The following MFSD12 variants were observed in gnomAD, a reference collection of about 807,000 sequenced individuals.
The protein encoded by MFSD12 is major facilitator superfamily domain-containing protein 12.
A neutral mutation model predicts 51.2 loss-of-function variants in MFSD12; 67 were observed. The observed-to-expected ratio is 1.31, with a 90% confidence interval of 1.08 to 1.60. The LOEUF (loss-of-function observed/expected upper bound fraction) is 1.60. Among genes scored for constraint, MFSD12 ranks in the 40% most tolerant of loss-of-function variants. MFSD12 has a pLI of 0.00. For synonymous variants in MFSD12, 441 were observed against 316.7 expected (o/e 1.39, Z -4.17); for missense variants, 921 against 673.0 (o/e 1.37, Z -4.08).
Position 3,557,455 on chromosome 19 carries a change from G to A in MFSD12, c.-52C>T, listed in dbSNP as rs544933641. On this transcript the variant is annotated 5_prime_UTR_variant, in exon 1 of 10. Transcript: ENST00000355415. ...CCCCGGGCTCCGCGGAGGGTACCCT[G>A]GCCAGGCCTTCTTGGGTGCCGTGGG... The A allele has an allele frequency of 5.6e-5, 63 of 1,130,076 alleles. No individual in the cohort carries two copies. The African/African-American group carries it at 9.7e-4, about 17-fold the overall frequency. 70.0% of individuals were successfully genotyped at this position (1,130,076 alleles called of 1,614,324 possible).
At chr19:3,541,682 G>T, downstream of MFSD12, 1 of 985,372 alleles carries the variant, frequency 1.0e-6, no homozygotes, top group South Asian at 4.7e-5. Context: ...CCGCAAGTGT[G>T]TAATAACGGG....
chr19:3,543,183 A>G (rs2145164847), downstream of MFSD12: 4 of 1,527,122 alleles, frequency 2.6e-6, no homozygotes, highest in Non-Finnish European at 3.5e-6. Context: ...CAAAGGGGTC[A>G]AAGCACTCGC....
downstream of MFSD12, chr19:3,544,017 G>A (rs749925402): frequency 6.5e-7 from 1 of 1,530,590 alleles, no homozygotes; most frequent in Non-Finnish European, 8.8e-7. Flanking sequence ...ATAAAGGCAT[G>A]CTACCAGGAT....
chr19:3,541,062 G>A (rs1412243408), downstream of MFSD12, among the ~76,000 whole-genome samples: 1 of 150,362 alleles, frequency 6.7e-6, no homozygotes, highest in Non-Finnish European at 1.5e-5. Context: ...CCAGCTACTC[G>A]GGAGGCTGAG....
chr19:3,541,533 G>C, downstream of MFSD12: 1 of 325,688 alleles, frequency 3.1e-6, no homozygotes, highest in Non-Finnish European at 4.4e-6. Flanking sequence ...ATGTTGGCCA[G>C]GCTGGTCTCA....
downstream of MFSD12, chr19:3,541,749 A>G (rs2030435136): frequency 5.1e-6 from 5 of 985,392 alleles, no homozygotes; most frequent in South Asian, 2.3e-4. Flanking sequence ...AGTGAGTGGC[A>G]GGTGGGTACG....
In MFSD12 at chr19:3,551,553, G is replaced by A. The variant is rs1462868278; in HGVS notation, c.299-359C>T. Among the ~76,000 whole-genome samples, 3 of 152,124 alleles carry A rather than the reference G, an allele frequency of 2.0e-5. No individual in the cohort carries two copies. The highest frequency in any genetic ancestry group is 4.4e-5 in the Non-Finnish European group (3 of 68,002). On this transcript the variant is annotated intron_variant, in intron 1 of 9. Transcript: ENST00000355415. The surrounding 1 kb of genome is among the most constrained non-coding windows in gnomAD (Gnocchi z 4.6). The stretch of plus-strand genomic sequence containing the variant: ...TCCCATAGGGCCTCGGGGAGCGGGA[G>A]GCCCAGGTGGGCCTGGGCTGGACCC...
chr19:3,543,837 A>C, downstream of MFSD12: 1 of 1,533,406 alleles, frequency 6.5e-7, no homozygotes. Context: ...AGTGCTCAAC[A>C]GGAACCGGTA....
At chr19:3,547,237 T>C in intron 6 of MFSD12, 35 bp downstream of exon 6, 2 of 1,580,952 alleles carry the variant, frequency 1.3e-6, no homozygotes. Flanking sequence ...CACCCCATCC[T>C]CCGCCCCAGC....
chr19:3,544,794 T>C lies in MFSD12; in HGVS notation c.1420+15A>G. The C allele has an allele frequency of 9.7e-6, 5 of 513,246 alleles. No individual in the cohort carries two copies. The highest frequency in any genetic ancestry group is 4.4e-5 in the Admixed American group (2 of 45,752). The allele number at this position is 513,246 out of a possible 1,614,324, so 31.8% of individuals were successfully genotyped here. The stretch of plus-strand genomic sequence containing the variant: ...GGGTCAGTGTCTGGGGAGGGAGGGG[T>C]GGGCCAGGACTCACAGCGTCGCAGG... On this transcript the variant is annotated intron_variant, in intron 9 of 9. Coordinates refer to ENST00000355415, the MANE Select transcript of MFSD12 (RefSeq NM_174983.5).
At chr19:3,540,805 G>A (rs190728221), downstream of MFSD12, among the ~76,000 whole-genome samples, 72 of 148,930 alleles carry the variant, frequency 4.8e-4, 1 homozygote, top group African/African-American at 1.7e-3. Context: ...CTTGAACCTC[G>A]GAGGCAGAGG....
rs2031050560 is a variant in MFSD12, at chr19:3,546,370, A to T, written c.1079T>A (p.Leu360Gln). Residue 360 changes from leucine (L) to glutamine (Q), a missense_variant, in exon 7 of 10, where the codon CTG (leucine) becomes CAG (glutamine). Coordinates refer to ENST00000355415, the MANE Select transcript of MFSD12 (RefSeq NM_174983.5). ...VILAFAAWVA[L>Q]AEGLGVAVYA... ...CACGGCCACACCCAGTCCCTCCGCC[A>T]GCGCCACCCAGGCGGCAAAGGCCAG... 1.2e-6 allele frequency: 2 copies of T among 1,607,924 alleles called. No homozygotes were observed. Among genetic ancestry groups the T allele is most frequent in the Non-Finnish European group, 8.5e-7 (1 of 1,177,898 alleles).
In MFSD12 at chr19:3,557,184, G is replaced by A. The variant is rs544974148; in HGVS notation, c.220C>T (p.Pro74Ser). ...CGGTCGGCCTCGTAGCCCACGAGCG[G>A]TGTGCACAGCCCGTCGGCCACCTGG... ...LGQVADGLCT[P>S]LVGYEADRAA... Residue 74 changes from proline (P) to serine (S), a missense_variant, in exon 1 of 10, where the codon CCG becomes TCG. Pro to Ser is a moderately conservative substitution (Grantham distance 74, BLOSUM62 -1). Transcript: ENST00000355415. 2 of 1,555,688 alleles carry A rather than the reference G, an allele frequency of 1.3e-6. No individual in the cohort carries two copies. The highest frequency in any genetic ancestry group is 1.7e-6 in the Non-Finnish European group (2 of 1,153,446).
rs2031043777 is a variant in MFSD12, at chr19:3,546,317, C to T, written c.1132G>A (p.Gly378Ser). 6.2e-7 allele frequency: 1 copy of T among 1,608,426 alleles called. No homozygotes were observed. The highest frequency in any genetic ancestry group is 8.5e-7 in the Non-Finnish European group (1 of 1,178,204). ...GAGGTGACGAGGATGGTGGCACAGC[C>T]AGCACCCAGCAGCACAGCCGCTGCG... ...VYAAAVLLGA[G>S]CATILVTSLA... The change falls in exon 7 of 10, where the codon GGC (glycine) becomes AGC (serine). Residue 378 changes from glycine (G) to serine (S), a missense_variant. Transcript: ENST00000355415.
downstream of MFSD12, chr19:3,543,073 GGTGA>G: frequency 6.3e-7 from 1 of 1,588,564 alleles, no homozygotes; most frequent in Non-Finnish European, 8.5e-7. Flanking sequence ...CCCACTCTGG[GGTGA>G]GGGGTACAGG....
At chr19:3,538,720 A>G (rs1445723866) in exon 5 of MFSD12, 2 of 476,414 alleles carry the variant, frequency 4.2e-6, no homozygotes, top group Admixed American at 2.3e-5. Context: ...GCTGTCACAA[A>G]TCGTGCTGCT....
At position 3,544,896 on chromosome 19, in the gene MFSD12, C is replaced by A; in HGVS notation, c.1333G>T (p.Ala445Ser). ...CRACVSFYHW[A>S]MVAVTGGVGV... ...ACGCCGCCCGTCACAGCCACCATCGCCCAGTGGTAAAAGCTCACGCAGGCC... is the reference window on the plus strand; with the variant it reads ...ACGCCGCCCGTCACAGCCACCATCGACCAGTGGTAAAAGCTCACGCAGGCC... Residue 445 changes from alanine (A) to serine (S), a missense_variant, in exon 9 of 10, where the codon GCG (alanine) becomes TCG (serine). Transcript: ENST00000355415. 6.2e-7 allele frequency: 1 copy of A among 1,611,842 alleles called. No homozygotes were observed. Among genetic ancestry groups the A allele is most frequent in the South Asian group, 1.1e-5 (1 of 90,974 alleles).
At chr19:3,543,827 A>G (rs1319777717), downstream of MFSD12, 3 of 1,523,592 alleles carry the variant, frequency 2.0e-6, no homozygotes, top group Non-Finnish European at 2.7e-6. Context: ...TCCCACCTAC[A>G]GTGCTCAACA....
At position 3,546,256 on chromosome 19, in the gene MFSD12, G is replaced by A. The variant is rs200615585; in HGVS notation, c.1193C>T (p.Thr398Met). 4.3e-5 allele frequency: 70 copies of A among 1,610,558 alleles called. No homozygotes were observed. The highest frequency in any genetic ancestry group is 1.5e-4 in the African/African-American group (11 of 75,042). Residue 398 changes from threonine (T) to methionine (M), a missense_variant and splice_region_variant, in exon 7 of 10, where the codon ACG becomes ATG. Thr to Met is a moderately conservative substitution (Grantham distance 81). Coordinates refer to ENST00000355415, the MANE Select transcript of MFSD12 (RefSeq NM_174983.5). ...CCCCAGCCTGGCTACCAGCCCTACC[G>A]TGTGGGGACCGATGAGGTCGGCCGT... Reference protein sequence around the residue: ...AMTADLIGPHTNSGAFVYGSM... With the variant: ...AMTADLIGPHMNSGAFVYGSM...
Sources: gnomAD v4.1 joint callset for allele counts (sites outside exome capture counted in the v4.1 genomes callset) on GRCh38, gnomAD v4.1.1 for gene constraint, Gnocchi (gnomAD v3.1) non-coding constraint, MANE v1.5 for transcripts, NCBI Gene and HGNC (gene_info 2026-07-23, HGNC 2026-07-21) for gene names.